The following GRID2 variants were observed in gnomAD, a reference collection of about 807,000 sequenced individuals.
GRID2 encodes glutamate ionotropic receptor delta type subunit 2, also known as glutamate receptor ionotropic, delta-2.
Under a neutral mutation model 114.8 loss-of-function variants are expected in GRID2, and 33 were observed. The observed-to-expected ratio is 0.29, with a 90% CI of 0.22 to 0.38. The LOEUF (loss-of-function observed/expected upper bound fraction) is 0.38. Among genes scored for constraint, GRID2 ranks in the 10% least tolerant of loss-of-function variants. The pLI is 1.00. For synonymous variants in GRID2, 505 were observed against 449.9 expected, an observed-to-expected ratio of 1.12 and a Z score of -1.55; for missense variants, 1,184 against 1,257.7, an observed-to-expected ratio of 0.94 and a Z score of 0.89.
At chr4:92,489,709 G>A (rs1433364949) in intron 1 of GRID2, among the ~76,000 whole-genome samples, 1 of 151,980 alleles carries the variant, frequency 6.6e-6, no homozygotes, top group East Asian at 1.9e-4. Flanking sequence ...AGCAAGCGGT[G>A]GTGGTGCGCG....
At position 92,902,526 on chromosome 4, in the gene GRID2, G is replaced by C. The variant is rs77344545; in HGVS notation, c.245-182469G>C. Among the ~76,000 whole-genome samples the C allele has an allele frequency of 1.4e-3, 212 of 152,082 alleles. 1 individual carries two copies. Among genetic ancestry groups the C allele is most frequent in the Non-Finnish European group, 2.6e-3 (176 of 67,904 alleles). On this transcript the variant is annotated intron_variant, in intron 2 of 15. Coordinates refer to ENST00000282020, the MANE Select transcript of GRID2 (RefSeq NM_001510.4). ...GTTCCATTTGTCTTGTTTTGTTTGTGTTACATTTGCTTTCCAGGTCTCAGT... is the reference window on the plus strand; with the variant it reads ...GTTCCATTTGTCTTGTTTTGTTTGTCTTACATTTGCTTTCCAGGTCTCAGT...
chr4:93,754,808 G>A (rs1732606774), intron 14 of GRID2, among the ~76,000 whole-genome samples: 1 of 152,180 alleles, frequency 6.6e-6, no homozygotes, highest in Non-Finnish European at 1.5e-5. Context: ...GATTATGCAA[G>A]GGTTGGGGTA....
intron 2 of GRID2, among the ~76,000 whole-genome samples, chr4:92,864,794 C>T (rs1744752157): frequency 6.6e-6 from 1 of 152,074 alleles, no homozygotes; most frequent in Admixed American, 6.6e-5. Flanking sequence ...AATGGTAGTA[C>T]CTGGATAAAC....
intron 14 of GRID2, among the ~76,000 whole-genome samples, chr4:93,736,004 G>T (rs145423404): frequency 6.6e-6 from 1 of 151,920 alleles, no homozygotes; most frequent in Non-Finnish European, 1.5e-5. Flanking sequence ...AAAGAGGAAA[G>T]GAGGAAAAGT....
intron 2 of GRID2, among the ~76,000 whole-genome samples, chr4:93,029,670 G>C (rs1203452543): frequency 6.6e-6 from 1 of 151,944 alleles, no homozygotes; most frequent in African/African-American, 2.4e-5. Flanking sequence ...GCTATTATTA[G>C]AGTAATAGTA....
chr4:93,320,623 C>T (rs1305881943), intron 8 of GRID2, among the ~76,000 whole-genome samples: 1 of 151,984 alleles, frequency 6.6e-6, no homozygotes, highest in Non-Finnish European at 1.5e-5. Context: ...GGTACAGCCT[C>T]TCTCCCTCCC....
chr4:93,750,111 C>T (rs749216586), intron 14 of GRID2, among the ~76,000 whole-genome samples: 5 of 152,196 alleles, frequency 3.3e-5, no homozygotes, highest in Non-Finnish European at 4.4e-5. Flanking sequence ...GTGCAAACAA[C>T]TGTAGTTGGT....
chr4:93,311,918 A>AT (rs933342036), intron 8 of GRID2, among the ~76,000 whole-genome samples: 3 of 152,232 alleles, frequency 2.0e-5, no homozygotes, highest in African/African-American at 7.2e-5. Context: ...TAGTGAATGG[A>AT]TAAAAAATGA....
chr4:92,921,516 T>G (rs1033517063), intron 2 of GRID2, among the ~76,000 whole-genome samples: 21 of 152,182 alleles, frequency 1.4e-4, no homozygotes, highest in Non-Finnish European at 1.3e-4. Context: ...GACATACAGA[T>G]GGGATTTTGG....
At chr4:92,876,268 CTTTTT>C (rs556445319) in intron 2 of GRID2, among the ~76,000 whole-genome samples, 7 of 145,400 alleles carry the variant, frequency 4.8e-5, no homozygotes, top group African/African-American at 1.8e-4. Flanking sequence ...ACCCAATTAT[CTTTTT>C]TTTTTATTAT....
chr4:92,637,614 G>T (rs1429394259), intron 2 of GRID2, among the ~76,000 whole-genome samples: 1 of 151,928 alleles, frequency 6.6e-6, no homozygotes, highest in Non-Finnish European at 1.5e-5. Flanking sequence ...AATGGATTAT[G>T]GATTAGTGAC....
intron 3 of GRID2, among the ~76,000 whole-genome samples, chr4:93,085,577 T>G (rs879372704): frequency 2.6e-5 from 4 of 152,176 alleles, no homozygotes; most frequent in Non-Finnish European, 5.9e-5. Context: ...TAATGGGAAT[T>G]TAGTCATAAA....
chr4:93,580,738 T>C, intron 13 of GRID2, among the ~76,000 whole-genome samples: 1 of 151,314 alleles, frequency 6.6e-6, no homozygotes, highest in East Asian at 1.9e-4. Context: ...TCTTCCCCAG[T>C]CCCTGGCAAA....
intron 11 of GRID2, among the ~76,000 whole-genome samples, chr4:93,474,157 G>A (rs1330657924): frequency 2.6e-5 from 4 of 151,972 alleles, no homozygotes; most frequent in African/African-American, 4.8e-5. Flanking sequence ...TCAATTAAAA[G>A]TTTATATACT....
intron 2 of GRID2, among the ~76,000 whole-genome samples, chr4:92,694,007 C>G (rs1734310752): frequency 6.6e-6 from 1 of 151,964 alleles, no homozygotes; most frequent in Admixed American, 6.6e-5. Flanking sequence ...TGTGGACTAT[C>G]CTTTTGACAG....
intron 2 of GRID2, among the ~76,000 whole-genome samples, chr4:93,055,397 G>C (rs577369248): frequency 6.6e-6 from 1 of 151,886 alleles, no homozygotes; most frequent in African/African-American, 2.4e-5. Context: ...CTTTAAAAAT[G>C]ATAATAGATA....
chr4:92,839,823 C>T (rs1163524614), intron 2 of GRID2, among the ~76,000 whole-genome samples: 7 of 151,982 alleles, frequency 4.6e-5, no homozygotes, highest in Non-Finnish European at 2.9e-5. Flanking sequence ...CTGTAAATAT[C>T]TATTAGATCC....
At chr4:92,443,314 C>A (rs1733224669) in intron 1 of GRID2, among the ~76,000 whole-genome samples, 1 of 152,026 alleles carries the variant, frequency 6.6e-6, no homozygotes, top group Non-Finnish European at 1.5e-5. Flanking sequence ...GTATTGGGGT[C>A]AAGTGGCATT....
chr4:92,363,095 A>G (rs1159145357), intron 1 of GRID2, among the ~76,000 whole-genome samples: 1 of 152,040 alleles, frequency 6.6e-6, no homozygotes, highest in Non-Finnish European at 1.5e-5. Flanking sequence ...TCAAAATCTT[A>G]CTACTCAGAG....
Sources: allele counts gnomAD v4.1 joint callset (sites outside exome capture counted in the v4.1 genomes callset), GRCh38; gene constraint gnomAD v4.1.1; transcripts MANE v1.5; gene names NCBI Gene and HGNC (gene_info 2026-07-23, HGNC 2026-07-21).